Variants in CEP128 observed in about 807,000 individuals in gnomAD.
The protein encoded by CEP128 is centrosomal protein 128kDa.
Under a neutral mutation model 156.7 loss-of-function variants are expected in CEP128, and 132 were observed. The observed-to-expected ratio is 0.84, with a 90% CI of 0.73 to 0.97. CEP128 has a LOEUF of 0.97. Ranked by LOEUF, CEP128 falls within the 50% of genes least tolerant of loss-of-function variation. The probability of loss-of-function intolerance (pLI) is 0.00; values close to 1 mark genes in which losing one functional copy is unlikely to be tolerated. For synonymous variants in CEP128, 469 were observed against 448.9 expected (o/e 1.04, Z -0.57); for missense variants, 1,252 against 1,281.9 (o/e 0.98, Z 0.36).
intron 20 of CEP128, among the ~76,000 whole-genome samples, chr14:80,579,064 T>C (rs1891478799): frequency 6.6e-6 from 1 of 152,126 alleles, no homozygotes; most frequent in South Asian, 2.1e-4. Flanking sequence ...AGTTCCAACA[T>C]TTGCACTGTG....
chr14:80,504,937 AG>A lies in CEP128; in HGVS notation c.3155del (p.Ser1052LeufsTer8). 3 of 1,599,020 alleles carry A rather than the reference AG, an allele frequency of 1.9e-6. No individual in the cohort carries two copies. The highest frequency in any genetic ancestry group is 2.6e-6 in the Non-Finnish European group (3 of 1,169,422). ...SSWQDHSRFL[S>X]SPRFSYVNSF... ...AGTTCACGTATGAAAATCTTGGACT[AG>A]ACAGGAAGCGACTGTGATCCTGCCA... On this transcript the variant is annotated frameshift_variant, in exon 24 of 25. Coordinates refer to ENST00000555265, the MANE Select transcript of CEP128 (RefSeq NM_152446.5). LOFTEE classifies it high-confidence loss of function.
chr14:80,676,279 G>A (rs1389078056), intron 19 of CEP128, among the ~76,000 whole-genome samples: 1 of 151,760 alleles, frequency 6.6e-6, no homozygotes, highest in Non-Finnish European at 1.5e-5. Flanking sequence ...ACATCTTTTG[G>A]TAAATACCTT....
chr14:80,921,333 G>A (rs1884849042), intron 2 of CEP128, among the ~76,000 whole-genome samples: 1 of 152,020 alleles, frequency 6.6e-6, no homozygotes, highest in Non-Finnish European at 1.5e-5. Context: ...GTGGGCACTG[G>A]TGGTTTTACA....
intron 20 of CEP128, among the ~76,000 whole-genome samples, chr14:80,562,412 T>C (rs1890725614): frequency 6.6e-6 from 1 of 152,140 alleles, no homozygotes; most frequent in African/African-American, 2.4e-5. Context: ...CAATTACTGA[T>C]TTTGTCTAAA....
chr14:80,507,637 T>G (rs1888041291), intron 23 of CEP128, among the ~76,000 whole-genome samples: 1 of 152,020 alleles, frequency 6.6e-6, no homozygotes. Flanking sequence ...TAGAGGCCAA[T>G]AAGGGGAAAG....
At chr14:80,509,249 T>C (rs1014850180) in intron 23 of CEP128, among the ~76,000 whole-genome samples, 5 of 152,214 alleles carry the variant, frequency 3.3e-5, no homozygotes, top group African/African-American at 7.2e-5. Context: ...GCTGTACTAA[T>C]ATACATTCCA....
At chr14:80,668,561 T>G (rs576018025) in intron 19 of CEP128, among the ~76,000 whole-genome samples, 1 of 152,034 alleles carries the variant, frequency 6.6e-6, no homozygotes, top group African/African-American at 2.4e-5. Context: ...ACATGAAGAA[T>G]AGATTGAGAG....
intron 8 of CEP128, among the ~76,000 whole-genome samples, chr14:80,881,047 C>A (rs1595540073): frequency 1.4e-5 from 2 of 142,068 alleles, no homozygotes; most frequent in African/African-American, 2.6e-5. Context: ...ATAAACCAAA[C>A]CCAAAATGAG....
chr14:80,647,451 T>A (rs1228601516), intron 19 of CEP128, among the ~76,000 whole-genome samples: 3 of 152,084 alleles, frequency 2.0e-5, no homozygotes, highest in African/African-American at 7.2e-5. Flanking sequence ...GCTGTGCTTT[T>A]CCTCTGAGTT....
At chr14:80,607,741 TAC>T (rs1892842234) in intron 19 of CEP128, among the ~76,000 whole-genome samples, 1 of 152,204 alleles carries the variant, frequency 6.6e-6, no homozygotes, top group Admixed American at 6.5e-5. Context: ...TTCTCAAATT[TAC>T]CAGTAGAAAA....
At chr14:80,606,428 C>T (rs1439427163) in intron 19 of CEP128, among the ~76,000 whole-genome samples, 2 of 152,076 alleles carry the variant, frequency 1.3e-5, no homozygotes, top group African/African-American at 4.8e-5. Flanking sequence ...AAGCCAGGCT[C>T]TGTAAACACT....
At chr14:80,789,874 G>GTCGTT (rs1555347865) in intron 14 of CEP128, among the ~76,000 whole-genome samples, 1 of 150,280 alleles carries the variant, frequency 6.7e-6, no homozygotes, top group African/African-American at 2.5e-5. Context: ...TTTTTTTGTT[G>GTCGTT]TTGTTTTGTT....
At chr14:80,949,168 G>A (rs1439190959) in intron 2 of CEP128, among the ~76,000 whole-genome samples, 1 of 152,132 alleles carries the variant, frequency 6.6e-6, no homozygotes, top group African/African-American at 2.4e-5. Flanking sequence ...GAAAGACCAT[G>A]ATCCCTGAAA....
chr14:80,694,666 G>A (rs1896828835), intron 19 of CEP128, among the ~76,000 whole-genome samples: 1 of 151,646 alleles, frequency 6.6e-6, no homozygotes, highest in Non-Finnish European at 1.5e-5. Flanking sequence ...ACTAAACACT[G>A]CATGTTCTCA....
At chr14:80,871,928 C>T (rs1888048681) in intron 8 of CEP128, among the ~76,000 whole-genome samples, 1 of 152,060 alleles carries the variant, frequency 6.6e-6, no homozygotes, top group East Asian at 1.9e-4. Context: ...ATGTTGATTC[C>T]TCAGATCTTT....
intron 19 of CEP128, among the ~76,000 whole-genome samples, chr14:80,721,558 A>G (rs1897817309): frequency 6.6e-6 from 1 of 152,228 alleles, no homozygotes; most frequent in Non-Finnish European, 1.5e-5. Context: ...TGGGTTACAT[A>G]AATACATGTT....
At chr14:80,914,438 A>T (rs1884430153) in intron 3 of CEP128, 30 bp from the exon 4 acceptor site, 2 of 1,529,030 alleles carry the variant, frequency 1.3e-6, no homozygotes, top group South Asian at 1.1e-5. Flanking sequence ...TGAATTAATT[A>T]TTCCAAATAC....
upstream of CEP128, among the ~76,000 whole-genome samples, chr14:80,944,857 ACAGAAAAAAC>A (rs1566731129): frequency 1.2e-5 from 1 of 81,484 alleles, no homozygotes; most frequent in Non-Finnish European, 2.5e-5. Flanking sequence ...AAAAAAAAAA[ACAGAAAAAAC>A]AGAACAAAAC....
At chr14:80,557,701 C>T (rs1461527201) in intron 21 of CEP128, among the ~76,000 whole-genome samples, 1 of 152,182 alleles carries the variant, frequency 6.6e-6, no homozygotes, top group Non-Finnish European at 1.5e-5. Flanking sequence ...AGGGTCTGGA[C>T]ATCGTCAATC....
Sources: allele counts gnomAD v4.1 joint callset (sites outside exome capture counted in the v4.1 genomes callset), GRCh38; gene constraint gnomAD v4.1.1; transcripts MANE v1.5; gene names NCBI Gene and HGNC (gene_info 2026-07-23, HGNC 2026-07-21).